Variants in CD46 observed in about 807,000 individuals in gnomAD.
The protein encoded by CD46 is CD46 molecule.
In CD46, 30 loss-of-function variants were observed where a neutral mutation model predicts 53.3. The observed-to-expected ratio is 0.56, with a 90% CI of 0.42 to 0.76. CD46 has a LOEUF of 0.76. CD46 is among the 30% of genes least tolerant of loss of function. The probability of loss-of-function intolerance (pLI) is 0.00; values close to 1 mark genes in which losing one functional copy is unlikely to be tolerated. For synonymous variants in CD46, 142 were observed against 152.0 expected, an observed-to-expected ratio of 0.93 and a Z score of 0.48; for missense variants, 409 against 463.0, an observed-to-expected ratio of 0.88 and a Z score of 1.07.
At chr1:207,767,704 A>G (rs1657024731) in intron 6 of CD46, 75 bp from the exon 7 acceptor site, 7 of 1,589,768 alleles carry the variant, frequency 4.4e-6, no homozygotes, top group Non-Finnish European at 6.0e-6. Flanking sequence ...ACAAGATATA[A>G]GGAATTCCTG....
intron 10 of CD46, among the ~76,000 whole-genome samples, 180 bp downstream of exon 10, chr1:207,785,286 ACT>A (rs925998181): frequency 2.0e-5 from 3 of 152,134 alleles, no homozygotes; most frequent in African/African-American, 7.2e-5. Flanking sequence ...GTGATTTTAT[ACT>A]CTGTTATATT....
At chr1:207,771,952 A>T (rs1315743317) in intron 8 of CD46, among the ~76,000 whole-genome samples, 1 of 152,192 alleles carries the variant, frequency 6.6e-6, no homozygotes, top group East Asian at 1.9e-4. Flanking sequence ...TGGTAGCTTG[A>T]TGTGGATAGC....
Position 207,793,705 on chromosome 1 carries a change from C to A in CD46, c.*228C>A. 1 of 860,932 alleles carries A rather than the reference C, an allele frequency of 1.2e-6. No individual in the cohort carries two copies. The highest frequency in any genetic ancestry group is 2.0e-6 in the Non-Finnish European group (1 of 511,000). 53.3% of individuals were successfully genotyped at this position (860,932 alleles called of 1,614,324 possible). On this transcript the variant is annotated 3_prime_UTR_variant, in exon 13 of 13. Coordinates refer to ENST00000367042, the MANE Select transcript of CD46 (RefSeq NM_172351.3). ...TGCAACTGTGGCTTAGCTAATATTGCAATGTGGCTTGAATGTAGGTAGCAT... is the reference window on the plus strand; with the variant it reads ...TGCAACTGTGGCTTAGCTAATATTGAAATGTGGCTTGAATGTAGGTAGCAT...
In CD46 at chr1:207,794,665, T is replaced by G. The variant is rs1660091412; in HGVS notation, c.*1188T>G. On this transcript the variant is annotated 3_prime_UTR_variant, in exon 13 of 13. Transcript: ENST00000367042. ...TGTATCTCAGGAAGGTAACTTCATT[T>G]TGTCTATTTGCTGTTGATTGTACCA... 1 of 152,202 alleles carries G rather than the reference T, an allele frequency of 6.6e-6. No individual in the cohort carries two copies. Among genetic ancestry groups the G allele is most frequent in the Non-Finnish European group, 1.5e-5 (1 of 68,034 alleles). The allele number at this position is 152,202 out of a possible 1,614,324, so 9.4% of individuals were successfully genotyped here.
In CD46 at chr1:207,757,078, T is replaced by C. The variant is rs1361437349; in HGVS notation, c.162T>C (p.Tyr54=). Residue 54 remains tyrosine (Y), a synonymous_variant, in exon 2 of 13, where the codon TAT becomes TAC. Transcript: ENST00000367042. The part of the protein sequence containing the change: ...MELIGKPKPY[Y]EIGERVDYKC... The stretch of plus-strand genomic sequence containing the variant: ...TCATTGGTAAACCAAAACCCTACTA[T>C]GAGATTGGTGAACGAGTAGATTATA... 1 of 1,609,994 alleles carries C rather than the reference T, an allele frequency of 6.2e-7. No individual in the cohort carries two copies. Among genetic ancestry groups the C allele is most frequent in the African/African-American group, 1.3e-5 (1 of 74,832 alleles).
In CD46 at chr1:207,757,219, C is replaced by CTT; in HGVS notation, c.286+26_286+27dup. The CTT allele has an allele frequency of 3.4e-5, 50 of 1,471,648 alleles. No individual in the cohort carries two copies. Among genetic ancestry groups the CTT allele is most frequent in the African/African-American group, 7.1e-5 (5 of 70,640 alleles). 91.2% of individuals were successfully genotyped at this position (1,471,648 alleles called of 1,614,324 possible). The stretch of plus-strand genomic sequence containing the variant: ...CCTGTTATAGTAAGTAAACAAACCT[C>CTT]TTTTTTTTTTCTGCTTGCTCTAGAG... On this transcript the variant is annotated intron_variant, in intron 2 of 12. Coordinates refer to ENST00000367042, the MANE Select transcript of CD46 (RefSeq NM_172351.3).
rs1660080712 is a variant in CD46, at chr1:207,794,542, A to T, written c.*1065A>T. The T allele has an allele frequency of 6.6e-6, 1 of 152,228 alleles. No individual in the cohort carries two copies. The highest frequency in any genetic ancestry group is 2.4e-5 in the African/African-American group (1 of 41,460). 9.4% of individuals were successfully genotyped at this position (152,228 alleles called of 1,614,324 possible). On this transcript the variant is annotated 3_prime_UTR_variant, in exon 13 of 13. Transcript: ENST00000367042. ...AATTCATCAGATAACCTCAAGTCAC[A>T]TGAGAATCTTAGTCCATTTACATTG...
intron 12 of CD46, among the ~76,000 whole-genome samples, chr1:207,791,729 T>G (rs1659818088): frequency 6.6e-6 from 1 of 152,228 alleles, no homozygotes; most frequent in Admixed American, 6.5e-5. Flanking sequence ...TTAGGACACT[T>G]TTGAGACTAA....
intron 1 of CD46, among the ~76,000 whole-genome samples, chr1:207,753,885 C>T (rs1655204518): frequency 1.3e-5 from 2 of 152,132 alleles, no homozygotes; most frequent in South Asian, 2.1e-4. Flanking sequence ...ATTCATTCAA[C>T]GAATATGGGT....
chr1:207,761,369 C>T lies in CD46; in HGVS notation c.596C>T (p.Pro199Leu), dbSNP rs1330160126. Reference protein sequence around the residue: ...YSCDPAPGPDPFSLIGESTIY... With the variant: ...YSCDPAPGPDLFSLIGESTIY... The stretch of plus-strand genomic sequence containing the variant: ...TGTGATCCTGCACCTGGACCAGATC[C>T]ATTTTCACTTATTGGAGAGAGCACG... Residue 199 changes from proline (P) to leucine (L), a missense_variant, in exon 5 of 13, where the codon CCA becomes CTA. Transcript: ENST00000367042. 6.2e-7 allele frequency: 1 copy of T among 1,613,904 alleles called. No individual in the cohort carries two copies. The highest frequency in any genetic ancestry group is 1.7e-5 in the Admixed American group (1 of 60,024).
chr1:207,754,427 C>CCCTCT (rs1188451965), intron 1 of CD46, among the ~76,000 whole-genome samples: 1 of 152,156 alleles, frequency 6.6e-6, no homozygotes, highest in Non-Finnish European at 1.5e-5. Flanking sequence ...CAGTTCAAGT[C>CCCTCT]CCTCTTCACT....
chr1:207,788,884 TTAAAG>T (rs1659533534), intron 11 of CD46, among the ~76,000 whole-genome samples: 1 of 152,236 alleles, frequency 6.6e-6, no homozygotes, highest in Non-Finnish European at 1.5e-5. Context: ...GGGCAAAAGG[TTAAAG>T]TATTCTGCCA....
intron 8 of CD46, among the ~76,000 whole-genome samples, chr1:207,777,963 T>C (rs1205493227): frequency 6.6e-6 from 1 of 152,192 alleles, no homozygotes; most frequent in Non-Finnish European, 1.5e-5. Flanking sequence ...ATTTTTTGAC[T>C]TTTTAATAAT....
intron 5 of CD46, among the ~76,000 whole-genome samples, chr1:207,764,658 T>A (rs1241952718): frequency 1.3e-5 from 2 of 152,142 alleles, no homozygotes; most frequent in Non-Finnish European, 2.9e-5. Flanking sequence ...CTACAGACAT[T>A]TAAAGGATGA....
chr1:207,771,879 G>T (rs567380827), intron 8 of CD46, among the ~76,000 whole-genome samples: 186 of 152,260 alleles, frequency 1.2e-3, no homozygotes, highest in Middle Eastern at 6.8e-3. Flanking sequence ...TGGCTATATG[G>T]ACTCTTTTTT....
Position 207,793,609 on chromosome 1 carries a change from G to T in CD46, c.*132G>T. 6.2e-7 allele frequency: 1 copy of T among 1,606,296 alleles called. No individual in the cohort carries two copies. Among genetic ancestry groups the T allele is most frequent in the Non-Finnish European group, 8.5e-7 (1 of 1,172,922 alleles). On this transcript the variant is annotated 3_prime_UTR_variant, in exon 13 of 13. Transcript: ENST00000367042. ...GAGGCTGAATAGATTCCACAACCTGGTTTGCCAGTTCATCTTTTGACTCTA... is the reference window on the plus strand; with the variant it reads ...GAGGCTGAATAGATTCCACAACCTGTTTTGCCAGTTCATCTTTTGACTCTA...
rs1437071972 is a variant in CD46 at position 207,752,690 on chromosome 1, G to A, written c.97+381G>A. On this transcript the variant is annotated intron_variant, in intron 1 of 12. Coordinates refer to ENST00000367042, the MANE Select transcript of CD46 (RefSeq NM_172351.3). The surrounding 1 kb of genome is among the most constrained non-coding windows in gnomAD (Gnocchi z 4.1). ...TTGCTAGGGCCCGTGCTGTGTCCGT[G>A]GTGAGAGTTTGCCCTGTGTTCCCTT... is the stretch of plus-strand genomic sequence containing the variant. Among the ~76,000 whole-genome samples the A allele has an allele frequency of 3.9e-5, 6 of 152,168 alleles. No homozygotes were observed. Among genetic ancestry groups the A allele is most frequent in the South Asian group, 2.1e-4 (1 of 4,826 alleles).
chr1:207,772,781 G>T (rs1156592417), intron 8 of CD46, among the ~76,000 whole-genome samples: 1 of 152,324 alleles, frequency 6.6e-6, no homozygotes, highest in Non-Finnish European at 1.5e-5. Context: ...GCTTTTTGAT[G>T]TGCTGCTGGA....
chr1:207,793,033 T>C (rs1189697796), intron 12 of CD46, among the ~76,000 whole-genome samples: 1 of 152,262 alleles, frequency 6.6e-6, no homozygotes, highest in Non-Finnish European at 1.5e-5. Flanking sequence ...TCTATTGTTA[T>C]ACTAAAAGTG....
Sources: allele counts gnomAD v4.1 joint callset (sites outside exome capture counted in the v4.1 genomes callset), GRCh38; gene constraint gnomAD v4.1.1; non-coding constraint Gnocchi (gnomAD v3.1); transcripts MANE v1.5; gene names NCBI Gene and HGNC (gene_info 2026-07-23, HGNC 2026-07-21).